Variants in ARL6 observed in about 807,000 individuals in gnomAD.
The protein encoded by ARL6 is ARF like GTPase 6.
In ARL6, 18 loss-of-function variants were observed where a neutral mutation model predicts 27.1. The observed-to-expected ratio is 0.66, with a 90% confidence interval of 0.46 to 0.98. The LOEUF (loss-of-function observed/expected upper bound fraction) is 0.98, where lower values mean the gene tolerates loss of function less well. Among genes scored for constraint, ARL6 ranks in the 50% least tolerant of loss-of-function variants. The probability of loss-of-function intolerance (pLI) is 0.00; values close to 1 mark genes in which losing one functional copy is unlikely to be tolerated. For missense variants in ARL6, 187 were observed against 214.9 expected, an observed-to-expected ratio of 0.87 and a Z score of 0.81; for synonymous variants, 65 against 72.3, an observed-to-expected ratio of 0.90 and a Z score of 0.51.
At chr3:97,767,762 C>A (rs1158879047) in intron 1 of ARL6, among the ~76,000 whole-genome samples, 1 of 152,078 alleles carries the variant, frequency 6.6e-6, no homozygotes, top group African/African-American at 2.4e-5. Flanking sequence ...TTTCAAGTAT[C>A]ACAATTCGCA....
chr3:97,767,915 CT>C (rs1402469014), intron 1 of ARL6, among the ~76,000 whole-genome samples, 165 bp from the exon 2 acceptor site: 1 of 152,166 alleles, frequency 6.6e-6, no homozygotes, highest in Non-Finnish European at 1.5e-5. Context: ...AGGCTCCTTT[CT>C]GGTAATCAGC....
chr3:97,778,984 T>C (rs1452709790), intron 2 of ARL6, among the ~76,000 whole-genome samples: 3 of 152,190 alleles, frequency 2.0e-5, no homozygotes, highest in Admixed American at 6.6e-5. Flanking sequence ...AAAGTAGATA[T>C]ATTTTTATTC....
intron 2 of ARL6, among the ~76,000 whole-genome samples, chr3:97,770,427 T>A (rs978326729): frequency 2.0e-5 from 3 of 152,268 alleles, no homozygotes; most frequent in East Asian, 3.9e-4. Flanking sequence ...TCCTTCTGTA[T>A]TCTGGTTATT....
chr3:97,781,326 GTCCTTCATGTCCTTGGGTTCTGCAT>G (rs879647024), intron 4 of ARL6, among the ~76,000 whole-genome samples: 3,744 of 152,024 alleles, frequency 0.025, 72 homozygotes, highest in African/African-American at 0.046. Flanking sequence ...TTTACACTTG[GTCCTTCATGTCCTTGGGTTCTGCAT>G]TCCTGGATTA....
At chr3:97,794,440 C>T (rs2037899296) in intron 7 of ARL6, among the ~76,000 whole-genome samples, 1 of 151,968 alleles carries the variant, frequency 6.6e-6, no homozygotes, top group South Asian at 2.1e-4. Flanking sequence ...TCTCGAACAC[C>T]TGACCTCAGG....
chr3:97,775,397 G>C (rs1336353131), intron 2 of ARL6, among the ~76,000 whole-genome samples: 6 of 152,072 alleles, frequency 3.9e-5, no homozygotes, highest in African/African-American at 1.2e-4. Context: ...TTCAAGGGCA[G>C]GAAGCATCCA....
intron 2 of ARL6, among the ~76,000 whole-genome samples, chr3:97,768,678 G>T (rs966696331): frequency 1.3e-5 from 2 of 152,024 alleles, no homozygotes; most frequent in Non-Finnish European, 2.9e-5. Context: ...TATAAAGCTA[G>T]CACATTTAAC....
At position 97,798,348 on chromosome 3, in the gene ARL6, T is replaced by C. The variant is rs1001629085; in HGVS notation, c.*299T>C. ...AGTTATAAGCCATCTCATCCCATCA[T>C]AATTTATGATATGTTTAATATATTT... On this transcript the variant is annotated 3_prime_UTR_variant, in exon 8 of 8. Coordinates refer to ENST00000463745, the MANE Select transcript of ARL6 (RefSeq NM_001278293.3). 4.1e-6 allele frequency: 1 copy of C among 246,220 alleles called. No homozygotes were observed. Among genetic ancestry groups the C allele is most frequent in the Non-Finnish European group, 7.8e-6 (1 of 127,978 alleles). The allele number at this position is 246,220 out of a possible 1,614,324, so 15.3% of individuals were successfully genotyped here. A position where few individuals can be genotyped will look rare whatever the true frequency, so the allele number is the denominator to read the frequency against.
chr3:97,765,211 G>GGGGTGTGTGTGTGT (rs373304649), intron 1 of ARL6, among the ~76,000 whole-genome samples: 3 of 105,536 alleles, frequency 2.8e-5, no homozygotes, highest in Non-Finnish European at 6.7e-5. Flanking sequence ...GTGTATTGGG[G>GGGGTGTGTGTGTGT]GTGTGTGTGT....
At chr3:97,791,009 A>G (rs1576471154) in intron 6 of ARL6, among the ~76,000 whole-genome samples, 1 of 152,096 alleles carries the variant, frequency 6.6e-6, no homozygotes, top group East Asian at 1.9e-4. Flanking sequence ...CTGATCCTCT[A>G]AAAATCCTCT....
chr3:97,774,528 G>A (rs2036802370), intron 2 of ARL6, among the ~76,000 whole-genome samples: 1 of 152,076 alleles, frequency 6.6e-6, no homozygotes, highest in African/African-American at 2.4e-5. Context: ...CCACTACTGG[G>A]AATGGGGAAG....
intron 4 of ARL6, 82 bp from the exon 5 acceptor site, chr3:97,784,873 G>A (rs1197908905): frequency 8.6e-6 from 8 of 934,192 alleles, no homozygotes; most frequent in Admixed American, 7.5e-5. Flanking sequence ...ATAATACTTA[G>A]GTTAGGAAAT....
At chr3:97,775,713 C>G (rs1410582923) in intron 2 of ARL6, among the ~76,000 whole-genome samples, 1 of 152,208 alleles carries the variant, frequency 6.6e-6, no homozygotes, top group Non-Finnish European at 1.5e-5. Flanking sequence ...TATTAGGAAG[C>G]ATGTTAATTT....
chr3:97,767,163 A>G (rs1576424587), intron 1 of ARL6, among the ~76,000 whole-genome samples: 1 of 152,138 alleles, frequency 6.6e-6, no homozygotes, highest in African/African-American at 2.4e-5. Context: ...CAAAGAATCA[A>G]TACAATTGAA....
chr3:97,772,326 T>C (rs2036674160), intron 2 of ARL6, among the ~76,000 whole-genome samples: 1 of 152,148 alleles, frequency 6.6e-6, no homozygotes, highest in South Asian at 2.1e-4. Flanking sequence ...TTCATAATAA[T>C]CTCTAATAAT....
chr3:97,781,266 T>A (rs968839985), intron 4 of ARL6, among the ~76,000 whole-genome samples: 63 of 152,272 alleles, frequency 4.1e-4, no homozygotes, highest in African/African-American at 1.5e-3. Flanking sequence ...GTTCTATGAA[T>A]AATTTGAAAC....
chr3:97,797,481 G>C (rs1203111312), intron 7 of ARL6, among the ~76,000 whole-genome samples: 1 of 152,116 alleles, frequency 6.6e-6, no homozygotes, highest in African/African-American at 2.4e-5. Flanking sequence ...GGTATTAGAA[G>C]TATTATGAGG....
At chr3:97,770,655 T>C (rs1402769261) in intron 2 of ARL6, among the ~76,000 whole-genome samples, 1 of 152,114 alleles carries the variant, frequency 6.6e-6, no homozygotes, top group South Asian at 2.1e-4. Flanking sequence ...ACTTTGATAG[T>C]TTTGGGTCTT....
intron 5 of ARL6, 151 bp from the exon 6 acceptor site, chr3:97,787,839 A>C: frequency 1.3e-6 from 1 of 760,728 alleles, no homozygotes; most frequent in East Asian, 2.7e-5. Flanking sequence ...CATGCCTAAC[A>C]GTGTGACAGT....
Sources: allele counts gnomAD v4.1 joint callset (sites outside exome capture counted in the v4.1 genomes callset), GRCh38; gene constraint gnomAD v4.1.1; transcripts MANE v1.5; gene names NCBI Gene and HGNC (gene_info 2026-07-23, HGNC 2026-07-21).